The following NMRK1 variants were observed in gnomAD, a reference collection of about 807,000 sequenced individuals.
The protein encoded by NMRK1 is NRK 1.
In NMRK1, 28 loss-of-function variants were observed where a neutral mutation model predicts 29.9. That is an observed-to-expected ratio of 0.94 (90% CI 0.69 to 1.28). NMRK1 has a LOEUF of 1.28. NMRK1 is among the 50% of genes most tolerant of loss of function. NMRK1 has a pLI of 0.00. For synonymous variants in NMRK1, 58 were observed against 73.0 expected (o/e 0.79, Z 1.05); for missense variants, 218 against 233.1 (o/e 0.94, Z 0.42).
chr9:75,072,371 T>C (rs941245808), intron 4 of NMRK1, among the ~76,000 whole-genome samples: 23 of 152,362 alleles, frequency 1.5e-4, no homozygotes, highest in African/African-American at 4.6e-4. Context: ...CTAATCCATC[T>C]TGGCTGGAAC....
intron 4 of NMRK1, among the ~76,000 whole-genome samples, chr9:75,070,992 T>A (rs898206339): frequency 1.3e-5 from 2 of 152,102 alleles, no homozygotes; most frequent in African/African-American, 2.4e-5. Context: ...ATTTTTTTTT[T>A]AATCAGACTT....
intron 2 of NMRK1, among the ~76,000 whole-genome samples, chr9:75,079,771 G>A (rs1003457830): frequency 6.6e-6 from 1 of 151,986 alleles, no homozygotes; most frequent in African/African-American, 2.4e-5. Flanking sequence ...GATAGGAATG[G>A]GGGAATAGGA....
chr9:75,082,102 A>G (rs557673628), intron 2 of NMRK1, among the ~76,000 whole-genome samples: 1 of 152,226 alleles, frequency 6.6e-6, no homozygotes. Flanking sequence ...ACTCGGAACC[A>G]CTGAATATCA....
At chr9:75,062,737 A>C (rs1322334877) in intron 8 of NMRK1, among the ~76,000 whole-genome samples, 1 of 152,172 alleles carries the variant, frequency 6.6e-6, no homozygotes, top group Non-Finnish European at 1.5e-5. Context: ...GCTTTCTATT[A>C]AACATTTAAA....
intron 4 of NMRK1, among the ~76,000 whole-genome samples, chr9:75,075,978 G>A (rs1823966470): frequency 6.6e-6 from 1 of 152,170 alleles, no homozygotes; most frequent in South Asian, 2.1e-4. Context: ...ACTATTGGAA[G>A]GAATGTAAAT....
At chr9:75,078,327 A>G (rs754094812) in intron 2 of NMRK1, 3 of 1,568,824 alleles carry the variant, frequency 1.9e-6, no homozygotes, top group Non-Finnish European at 2.6e-6. Context: ...CCCACCTACC[A>G]TGAAATCACA....
chr9:75,083,498 A>G (rs1219330595), intron 1 of NMRK1, among the ~76,000 whole-genome samples: 2 of 152,204 alleles, frequency 1.3e-5, no homozygotes, highest in Non-Finnish European at 2.9e-5. Flanking sequence ...TTCACGATTC[A>G]GTCGCCTGGG....
intron 1 of NMRK1, 198 bp downstream of exon 1, chr9:75,087,810 G>C (rs1009823810): frequency 1.3e-5 from 2 of 152,210 alleles, no homozygotes; most frequent in African/African-American, 4.8e-5. Flanking sequence ...TTATTCCGGG[G>C]CGCTAGAGCA....
In NMRK1 at chr9:75,069,968, CCA is replaced by C. The variant is rs762924532; in HGVS notation, c.242_243del (p.Val81GlyfsTer9). On this transcript the variant is annotated frameshift_variant, in exon 5 of 9. Coordinates refer to ENST00000361092, the MANE Select transcript of NMRK1 (RefSeq NM_017881.3). LOFTEE classifies it high-confidence loss of function. ...SCWMESARHS[V>X]VSTDQESAEE... ...TCAGCACTTTCCTGGTCTGTTGATACCACAGAGTGTCTTGCGCTTTCCATCCA... is the reference window on the plus strand; with the variant it reads ...TCAGCACTTTCCTGGTCTGTTGATACCAGAGTGTCTTGCGCTTTCCATCCA... 1 of 1,613,994 alleles carries C rather than the reference CCA, an allele frequency of 6.2e-7. No individual in the cohort carries two copies. The highest frequency in any genetic ancestry group is 1.3e-5 in the African/African-American group (1 of 75,042).
At chr9:75,071,614 A>C (rs765184729) in intron 4 of NMRK1, among the ~76,000 whole-genome samples, 1 of 152,126 alleles carries the variant, frequency 6.6e-6, no homozygotes, top group African/African-American at 2.4e-5. Flanking sequence ...GATCCTATTT[A>C]ATCTTCTTTT....
At chr9:75,076,775 TA>T (rs1351979493) in intron 4 of NMRK1, among the ~76,000 whole-genome samples, 1 of 152,036 alleles carries the variant, frequency 6.6e-6, no homozygotes, top group Non-Finnish European at 1.5e-5. Flanking sequence ...TTTTTTTGGG[TA>T]GAGATGGAAT....
chr9:75,081,602 G>A (rs1171384949), intron 2 of NMRK1, among the ~76,000 whole-genome samples: 1 of 152,162 alleles, frequency 6.6e-6, no homozygotes, highest in African/African-American at 2.4e-5. Flanking sequence ...TTACAGAGAT[G>A]CCAGATGAAG....
intron 8 of NMRK1, among the ~76,000 whole-genome samples, chr9:75,063,186 G>T (rs899712101): frequency 3.3e-5 from 5 of 150,778 alleles, no homozygotes; most frequent in African/African-American, 7.3e-5. Flanking sequence ...GGCACCTGTG[G>T]TCTCAGTTAC....
intron 8 of NMRK1, chr9:75,066,308 A>G (rs1391510497): frequency 5.8e-6 from 3 of 515,992 alleles, no homozygotes; most frequent in South Asian, 1.4e-5. Context: ...ACCTTAAACA[A>G]ACACTTCATA....
chr9:75,084,490 G>A (rs531907100), intron 1 of NMRK1, among the ~76,000 whole-genome samples: 1 of 152,336 alleles, frequency 6.6e-6, no homozygotes, highest in East Asian at 1.9e-4. Flanking sequence ...AATCAATAAT[G>A]ACTGTGATAA....
chr9:75,062,179 A>G (rs1225702061), intron 8 of NMRK1, among the ~76,000 whole-genome samples: 1 of 152,216 alleles, frequency 6.6e-6, no homozygotes, highest in Non-Finnish European at 1.5e-5. Flanking sequence ...GAGTAGGTGT[A>G]GATATTTTTT....
chr9:75,069,259 C>T lies in NMRK1; in HGVS notation c.390-157G>A, dbSNP rs376063437. 9.2e-4 allele frequency: 518 copies of T among 560,260 alleles called. 19 individuals carry two copies. In the South Asian group the frequency reaches 0.014, roughly 15 times the overall value. The allele number at this position is 560,260 out of a possible 1,614,324, so 34.7% of individuals were successfully genotyped here. On this transcript the variant is annotated intron_variant, in intron 6 of 8. Coordinates refer to ENST00000361092, the MANE Select transcript of NMRK1 (RefSeq NM_017881.3). ...TGTTTTAACTCAATGGCAGTTAGAA[C>T]GACAGTAACATGGATTTAGTTCTTT...
rs146012983 is a variant in NMRK1, at chr9:75,069,908, G to C, written c.304C>G (p.Leu102Val). The change falls in exon 5 of 9, where the codon CTT (leucine) becomes GTT (valine). Residue 102 changes from leucine to valine, a missense_variant. Physicochemically the swap from Leu to Val is conservative, Grantham distance 32. Transcript: ENST00000361092. ...IPILIIEGFL[L>V]FNYKPLDTIW... ...GGAGATGCTTACTTATAATTAAAAA[G>C]AAGAAAACCTTCGATGATTAAAATG... 3,397 of 1,613,448 alleles carry C rather than the reference G, an allele frequency of 2.1e-3. 12 individuals are homozygous for C. The highest frequency in any genetic ancestry group is 2.5e-3 in the Non-Finnish European group (2,942 of 1,179,812).
chr9:75,083,712 CA>C (rs1287102093), intron 1 of NMRK1, among the ~76,000 whole-genome samples: 1 of 152,164 alleles, frequency 6.6e-6, no homozygotes, highest in Admixed American at 6.5e-5. Flanking sequence ...TTTCTTCACC[CA>C]AAAGCCTAGG....
Sources: allele counts gnomAD v4.1 joint callset (sites outside exome capture counted in the v4.1 genomes callset), GRCh38; gene constraint gnomAD v4.1.1; transcripts MANE v1.5; gene names NCBI Gene and HGNC (gene_info 2026-07-23, HGNC 2026-07-21).